Variants in CSMD2 observed in about 807,000 individuals in gnomAD.
CSMD2 encodes the protein CUB and sushi domain-containing protein 2.
Under a neutral mutation model 398.5 loss-of-function variants are expected in CSMD2, and 130 were observed. The ratio of observed to expected loss-of-function variants is 0.33; its 90% CI spans 0.28 to 0.38. CSMD2 has a LOEUF of 0.38. Among genes scored for constraint, CSMD2 ranks in the 10% least tolerant of loss-of-function variants. The pLI is 1.00. For missense variants in CSMD2, 3,829 were observed against 4,764.9 expected, an observed-to-expected ratio of 0.80 and a Z score of 5.78; for synonymous variants, 1,828 against 1,908.5, an observed-to-expected ratio of 0.96 and a Z score of 1.10.
chr1:34,003,845 G>A (rs1646975786), intron 3 of CSMD2, among the ~76,000 whole-genome samples: 1 of 152,186 alleles, frequency 6.6e-6, no homozygotes, highest in South Asian at 2.1e-4. Context: ...GCTTTAGATG[G>A]AAGAAGTCTT....
intron 5 of CSMD2, among the ~76,000 whole-genome samples, chr1:33,917,488 T>C (rs559182763): frequency 9.2e-5 from 14 of 152,328 alleles, no homozygotes; most frequent in African/African-American, 3.4e-4. Flanking sequence ...TAAGCAACGA[T>C]GGCTTCAATA....
At chr1:34,073,234 T>C (rs1243391582) in intron 2 of CSMD2, among the ~76,000 whole-genome samples, 1 of 152,250 alleles carries the variant, frequency 6.6e-6, no homozygotes, top group Non-Finnish European at 1.5e-5. Context: ...TTTGCCAGCA[T>C]TTAGGGTGAA....
chr1:33,600,723 A>T (rs758704176), intron 44 of CSMD2, 142 bp downstream of exon 44: 8 of 785,780 alleles, frequency 1.0e-5, no homozygotes, highest in Admixed American at 2.7e-5. Flanking sequence ...TTTAATTCTC[A>T]TAACTCTGAA....
At chr1:33,763,408 A>G (rs2149307745) in intron 13 of CSMD2, among the ~76,000 whole-genome samples, 1 of 152,252 alleles carries the variant, frequency 6.6e-6, no homozygotes, top group African/African-American at 2.4e-5. Context: ...ATTTTGGGGG[A>G]CAAGGCCAAG....
chr1:33,993,040 T>C (rs553397147), intron 3 of CSMD2, among the ~76,000 whole-genome samples: 4 of 152,330 alleles, frequency 2.6e-5, no homozygotes, highest in African/African-American at 9.6e-5. Flanking sequence ...TAAAAAAGTA[T>C]GACTGTGTCT....
intron 23 of CSMD2, among the ~76,000 whole-genome samples, chr1:33,699,691 G>C (rs982755755): frequency 6.6e-6 from 1 of 152,164 alleles, no homozygotes; most frequent in African/African-American, 2.4e-5. Context: ...TCTTTATTGA[G>C]ATACAATTCA....
At chr1:34,148,313 T>C (rs892442900) in intron 1 of CSMD2, among the ~76,000 whole-genome samples, 2 of 152,170 alleles carry the variant, frequency 1.3e-5, no homozygotes, top group South Asian at 2.1e-4. Context: ...AACTATCTCA[T>C]TGCTCCGCAT....
In CSMD2 at chr1:33,924,588, T is replaced by C. The variant is rs185080555; in HGVS notation, c.713-6287A>G. ...GAATTGCTTGATCATATGGTAGTTC[T>C]ATTTTTAGTCTTTTGAGAAATCTCC... On this transcript the variant is annotated intron_variant, in intron 4 of 70. Coordinates refer to ENST00000373381, the MANE Select transcript of CSMD2 (RefSeq NM_001281956.2). 1.2e-3 allele frequency among the ~76,000 whole-genome samples: 176 copies of C among 152,356 alleles called. 1 individual carries two copies. Among genetic ancestry groups the C allele is most frequent in the African/African-American group, 4.1e-3 (172 of 41,590 alleles).
chr1:33,738,276 C>T (rs935098), intron 15 of CSMD2, among the ~76,000 whole-genome samples: 2 of 152,146 alleles, frequency 1.3e-5, no homozygotes, highest in Non-Finnish European at 2.9e-5. Flanking sequence ...GCCTTCGTCT[C>T]CTTGGATACT....
chr1:33,823,413 A>C, intron 7 of CSMD2, among the ~76,000 whole-genome samples: 1 of 149,916 alleles, frequency 6.7e-6, no homozygotes, highest in Non-Finnish European at 1.5e-5. Context: ...TTTTAATTCC[A>C]GTCTTCTCTG....
chr1:33,658,457 A>G lies in CSMD2; in HGVS notation c.4256-320T>C, dbSNP rs1291421497. Among the ~76,000 whole-genome samples, 5 of 152,282 alleles carry G rather than the reference A, an allele frequency of 3.3e-5. No homozygotes were observed. The East Asian group carries it at 9.6e-4, about 29-fold the overall frequency. On this transcript the variant is annotated intron_variant, in intron 26 of 70. Transcript: ENST00000373381. ...AGCATGATTATACTGTTATAATTAT[A>G]GAATTGAATTCAGCTTAAGAATACA...
intron 13 of CSMD2, among the ~76,000 whole-genome samples, chr1:33,755,477 T>A (rs905086437): frequency 6.6e-6 from 1 of 152,176 alleles, no homozygotes; most frequent in African/African-American, 2.4e-5. Context: ...CCTTTCTTTC[T>A]AAGGAGAATA....
Position 33,559,663 on chromosome 1 carries a change from G to T in CSMD2, c.8381-190C>A. On this transcript the variant is annotated intron_variant, in intron 53 of 70. Coordinates refer to ENST00000373381, the MANE Select transcript of CSMD2 (RefSeq NM_001281956.2). The surrounding 1 kb of genome is among the most constrained non-coding windows in gnomAD (Gnocchi z 4.0). ...AACATTCTGTCTGCCTTGAAGATAT[G>T]TCTGTAGCTTGGACAACTTGAGATC... 1.3e-5 allele frequency among the ~76,000 whole-genome samples: 2 copies of T among 152,064 alleles called. 1 individual carries two copies. Among genetic ancestry groups the T allele is most frequent in the East Asian group, 3.9e-4 (2 of 5,182 alleles).
At chr1:33,676,157 G>A (rs185777457) in intron 25 of CSMD2, among the ~76,000 whole-genome samples, 1 of 152,284 alleles carries the variant, frequency 6.6e-6, no homozygotes, top group Non-Finnish European at 1.5e-5. Context: ...TAGGAAAAGA[G>A]GAAATAAAAT....
intron 28 of CSMD2, among the ~76,000 whole-genome samples, chr1:33,649,945 A>T (rs1465306280): frequency 2.6e-5 from 4 of 152,176 alleles, no homozygotes; most frequent in African/African-American, 9.7e-5. Flanking sequence ...CCTCCTTCCC[A>T]CCTGGCACCT....
At position 33,614,608 on chromosome 1, in the gene CSMD2, C is replaced by T. The variant is rs947864019; in HGVS notation, c.6029G>A (p.Gly2010Glu). ...PPPLCIAQCG[G>E]TVEEMEGVIL... Reference sequence around the variant, plus strand: ...CACCCCCTCCATCTCCTCCACTGTTCCCCCACACTGTGCTGTGACAATGAG... The same window carrying T: ...CACCCCCTCCATCTCCTCCACTGTTTCCCCACACTGTGCTGTGACAATGAG... Residue 2010 changes from glycine (G) to glutamate (E), a missense_variant, in exon 40 of 71, where the codon GGA becomes GAA. Coordinates refer to ENST00000373381, the MANE Select transcript of CSMD2 (RefSeq NM_001281956.2). 1 of 1,601,130 alleles carries T rather than the reference C, an allele frequency of 6.2e-7. No homozygotes were observed. The highest frequency in any genetic ancestry group is 8.6e-7 in the Non-Finnish European group (1 of 1,168,480).
At chr1:33,858,934 G>A (rs61769873) in intron 5 of CSMD2, among the ~76,000 whole-genome samples, 3,578 of 152,344 alleles carry the variant, frequency 0.023, 64 homozygotes, top group Middle Eastern at 0.044. Context: ...ATGAGTCAGC[G>A]AGTGAAGAAG....
intron 28 of CSMD2, among the ~76,000 whole-genome samples, 185 bp from the exon 29 acceptor site, chr1:33,647,020 G>A (rs945562545): frequency 6.6e-6 from 1 of 152,186 alleles, no homozygotes; most frequent in Non-Finnish European, 1.5e-5. Flanking sequence ...TCAGTCAGGT[G>A]AGAAGATGGA....
intron 5 of CSMD2, among the ~76,000 whole-genome samples, chr1:33,880,307 T>G (rs1558045793): frequency 2.0e-5 from 3 of 152,216 alleles, no homozygotes; most frequent in Admixed American, 1.3e-4. Context: ...GACATAAAGC[T>G]GTTTTTATTT....
Sources: allele counts gnomAD v4.1 joint callset (sites outside exome capture counted in the v4.1 genomes callset), GRCh38; gene constraint gnomAD v4.1.1; non-coding constraint Gnocchi (gnomAD v3.1); transcripts MANE v1.5; gene names NCBI Gene and HGNC (gene_info 2026-07-23, HGNC 2026-07-21).